The following HDHD2 variants were observed in gnomAD, a reference collection of about 807,000 sequenced individuals.
The protein encoded by HDHD2 is haloacid dehalogenase-like hydrolase domain-containing protein 2.
HDHD2 carries 26 observed loss-of-function variants against 24.8 expected under a neutral mutation model. That is an observed-to-expected ratio of 1.05 (90% CI 0.77 to 1.45). The LOEUF (loss-of-function observed/expected upper bound fraction) is 1.45. Among genes scored for constraint, HDHD2 ranks in the 40% most tolerant of loss-of-function variants. The probability of loss-of-function intolerance (pLI) is 0.00; values close to 1 mark genes in which losing one functional copy is unlikely to be tolerated. For synonymous variants in HDHD2, 128 were observed against 114.9 expected (o/e 1.11, Z -0.73); for missense variants, 299 against 313.4 (o/e 0.95, Z 0.35).
intron 1 of HDHD2, among the ~76,000 whole-genome samples, chr18:47,149,318 TACA>T (rs1246036801): frequency 6.6e-6 from 1 of 152,158 alleles, no homozygotes; most frequent in African/African-American, 2.4e-5. Context: ...ATTGGGGCGC[TACA>T]AAACATGCCT....
At chr18:47,110,975 A>G (rs1034359706) in intron 6 of HDHD2, 11 of 985,246 alleles carry the variant, frequency 1.1e-5, no homozygotes, top group Non-Finnish European at 1.3e-5. Flanking sequence ...ATTGAATATG[A>G]ATTAAAATAT....
At chr18:47,113,258 T>G (rs531893431) in intron 5 of HDHD2, among the ~76,000 whole-genome samples, 1 of 152,218 alleles carries the variant, frequency 6.6e-6, no homozygotes, top group Non-Finnish European at 1.5e-5. Context: ...AGGTATAGAA[T>G]AGAGTAGTAA....
rs181880231 is a variant in HDHD2 at position 47,119,415 on chromosome 18, C to G, written c.396-4067G>C. On this transcript the variant is annotated intron_variant, in intron 4 of 6. Transcript: ENST00000300605. Reference sequence around the variant, plus strand: ...GTTGTTATTTCAACAACGTTCGAAGCATCTTCACCAGGAGTAGATTCCATC... The same window carrying G: ...GTTGTTATTTCAACAACGTTCGAAGGATCTTCACCAGGAGTAGATTCCATC... 2.0e-5 allele frequency among the ~76,000 whole-genome samples: 3 copies of G among 152,310 alleles called. No individual in the cohort carries two copies. In the East Asian group the frequency reaches 5.8e-4, roughly 29 times the overall value.
At chr18:47,127,830 A>G (rs941734170) in intron 4 of HDHD2, among the ~76,000 whole-genome samples, 8 of 152,230 alleles carry the variant, frequency 5.3e-5, no homozygotes, top group African/African-American at 1.9e-4. Flanking sequence ...AACACAGTAA[A>G]TAAGATGCAG....
intron 5 of HDHD2, 76 bp downstream of exon 5, chr18:47,115,056 C>A: frequency 2.0e-6 from 2 of 1,001,110 alleles, no homozygotes; most frequent in Admixed American, 1.8e-5. Flanking sequence ...GTCCCCTTTC[C>A]TAAAGCAGTG....
At chr18:47,138,171 CAAAAAAAAAAAAA>C (rs58644217) in intron 1 of HDHD2, among the ~76,000 whole-genome samples, 3 of 54,888 alleles carry the variant, frequency 5.5e-5, no homozygotes, top group African/African-American at 2.4e-4. Context: ...GATTCTGTCG[CAAAAAAAAAAAAA>C]AAAAAAAAAA....
intron 1 of HDHD2, among the ~76,000 whole-genome samples, chr18:47,136,813 A>G (rs1219720974): frequency 6.6e-6 from 1 of 152,214 alleles, no homozygotes; most frequent in Non-Finnish European, 1.5e-5. Context: ...GGTGGATGAA[A>G]GGACTAAATC....
chr18:47,121,278 G>A (rs749801665), intron 4 of HDHD2, among the ~76,000 whole-genome samples: 3 of 152,052 alleles, frequency 2.0e-5, no homozygotes, highest in Admixed American at 6.5e-5. Flanking sequence ...TATGTCCAAC[G>A]TCAAACTGGT....
At chr18:47,142,604 A>G (rs1266801593) in intron 1 of HDHD2, among the ~76,000 whole-genome samples, 2 of 152,234 alleles carry the variant, frequency 1.3e-5, no homozygotes, top group East Asian at 1.9e-4. Context: ...TAGAAGTGTG[A>G]GGGCAAAAGT....
At chr18:47,117,875 A>G (rs2063570264) in intron 4 of HDHD2, among the ~76,000 whole-genome samples, 1 of 151,998 alleles carries the variant, frequency 6.6e-6, no homozygotes, top group African/African-American at 2.4e-5. Flanking sequence ...ATTTTATTGC[A>G]GTGGTCTGCA....
chr18:47,125,729 G>A (rs925531570), intron 4 of HDHD2, among the ~76,000 whole-genome samples: 2 of 152,188 alleles, frequency 1.3e-5, no homozygotes, highest in Admixed American at 6.5e-5. Flanking sequence ...CCTGGGGAAG[G>A]AGTGGTAGTG....
Position 47,115,250 on chromosome 18 carries a change from G to T in HDHD2, c.494C>A (p.Ala165Asp). Residue 165 changes from alanine to aspartate, a missense_variant, in exon 5 of 7, where the codon GCT becomes GAT. Transcript: ENST00000300605. ...TTTGGTATCTGTGGCATACTCTAAA[G>T]CAGTCACAAATGGTCCAGGCCCCAG... ...LALGPGPFVT[A>D]LEYATDTKAT... is the part of the protein sequence containing the mutation. The T allele has an allele frequency of 1.2e-6, 2 of 1,614,030 alleles. No homozygotes were observed. The highest frequency in any genetic ancestry group is 2.2e-5 in the South Asian group (2 of 91,078).
chr18:47,109,888 A>C (rs975315028), intron 6 of HDHD2: 2 of 716,062 alleles, frequency 2.8e-6, no homozygotes, highest in African/African-American at 3.8e-5. Context: ...ACATGTCCCA[A>C]TGTATTCCAA....
At position 47,134,560 on chromosome 18, in the gene HDHD2, T is replaced by C; in HGVS notation, c.246A>G (p.Leu82=). The change falls in exon 3 of 7, where the codon TTA becomes TTG. Residue 82 remains leucine, a synonymous_variant. Transcript: ENST00000300605. The part of the protein sequence containing the change: ...IFTSLTAARS[L]LERKQVRPML... ...TGGGTCTGACTTGTTTCCGCTCTAG[T>C]AAACTTCTGGCTGCAGTCAGAGATG... 3 of 1,614,140 alleles carry C rather than the reference T, an allele frequency of 1.9e-6. No homozygotes were observed. Among genetic ancestry groups the C allele is most frequent in the South Asian group, 1.1e-5 (1 of 91,080 alleles).
At chr18:47,147,157 G>C (rs756512004) in intron 1 of HDHD2, among the ~76,000 whole-genome samples, 2 of 152,026 alleles carry the variant, frequency 1.3e-5, no homozygotes, top group African/African-American at 2.4e-5. Context: ...CACCTTCAAG[G>C]CATTTTGAAT....
In HDHD2 at chr18:47,130,278, G is replaced by C. The variant is rs754325843; in HGVS notation, c.361C>G (p.His121Asp). 6.2e-7 allele frequency: 1 copy of C among 1,607,590 alleles called. No individual in the cohort carries two copies. Among genetic ancestry groups the C allele is most frequent in the South Asian group, 1.1e-5 (1 of 90,238 alleles). ...NAVVMGLAPE[H>D]FHYQILNQAF... Reference sequence around the variant, plus strand: ...TGATTCAGAATTTGATAATGAAAATGTTCTGGTGCCAATCCCATGACCACA... The same window carrying C: ...TGATTCAGAATTTGATAATGAAAATCTTCTGGTGCCAATCCCATGACCACA... The change falls in exon 4 of 7, where the codon CAT (histidine) becomes GAT (aspartate). Residue 121 changes from histidine (H) to aspartate (D), a missense_variant. Physicochemically the swap from His to Asp is moderately conservative, Grantham distance 81 (BLOSUM62 -1). Transcript: ENST00000300605.
chr18:47,109,945 T>C (rs2063502507), intron 6 of HDHD2: 1 of 983,660 alleles, frequency 1.0e-6, no homozygotes, highest in South Asian at 4.7e-5. Flanking sequence ...TATAAATATC[T>C]TTTTAAAGAA....
chr18:47,143,831 T>G (rs551528371), intron 1 of HDHD2, among the ~76,000 whole-genome samples: 1 of 152,188 alleles, frequency 6.6e-6, no homozygotes, highest in Non-Finnish European at 1.5e-5. Context: ...CCAAAGAACA[T>G]GTACTAGCTC....
chr18:47,115,996 C>T lies in HDHD2; in HGVS notation c.396-648G>A, dbSNP rs564987343. On this transcript the variant is annotated intron_variant, in intron 4 of 6. Transcript: ENST00000300605. ...TCAGGTCCCTTCCTTTGTCCTGATA[C>T]AGGACGAAGAATACTCTCACATCAG... Among the ~76,000 whole-genome samples the T allele has an allele frequency of 3.0e-4, 46 of 152,206 alleles. No individual in the cohort carries two copies. In the South Asian group the frequency reaches 7.3e-3, roughly 24 times the overall value.
Sources: gnomAD v4.1 joint callset for allele counts (sites outside exome capture counted in the v4.1 genomes callset) on GRCh38, gnomAD v4.1.1 for gene constraint, MANE v1.5 for transcripts, NCBI Gene and HGNC (gene_info 2026-07-23, HGNC 2026-07-21) for gene names.